Variants in TTLL11 observed in about 807,000 individuals in gnomAD.
TTLL11 encodes tubulin polyglutamylase TTLL11.
A neutral mutation model predicts 51.7 loss-of-function variants in TTLL11; 42 were observed. The observed-to-expected ratio is 0.81, with a 90% CI of 0.64 to 1.05. The LOEUF is 1.05. Among genes scored for constraint, TTLL11 ranks in the 50% least tolerant of loss-of-function variants. The pLI, the probability that TTLL11 is intolerant of heterozygous loss-of-function variation, is 0.00. For missense variants in TTLL11, 799 were observed against 940.4 expected, an observed-to-expected ratio of 0.85 and a Z score of 1.97; for synonymous variants, 381 against 383.5, an observed-to-expected ratio of 0.99 and a Z score of 0.08.
At chr9:121,895,392 GTGTT>G (rs750321086) in intron 6 of TTLL11, among the ~76,000 whole-genome samples, 137 of 151,766 alleles carry the variant, frequency 9.0e-4, no homozygotes, top group Non-Finnish European at 1.7e-3. Flanking sequence ...GTATGATTGT[GTGTT>G]TGTGTGACTG....
rs143872650 is a variant in TTLL11, at chr9:122,078,645, A to G, written c.462+14042T>C. On this transcript the variant is annotated intron_variant, in intron 1 of 8. Transcript: ENST00000321582. ...CATTATGTACTTGGCACTTTACATG[A>G]TTATAGCTTTTTATGCTGGCAATAA... 5.5e-3 allele frequency among the ~76,000 whole-genome samples: 840 copies of G among 152,312 alleles called. 39 individuals are homozygous for G. Among genetic ancestry groups the G allele is most frequent in the Admixed American group, 0.049 (745 of 15,302 alleles).
intron 6 of TTLL11, among the ~76,000 whole-genome samples, chr9:121,922,802 T>C (rs1023378778): frequency 6.9e-6 from 1 of 145,172 alleles, no homozygotes; most frequent in Non-Finnish European, 1.5e-5. Flanking sequence ...CACATGTGTA[T>C]ATCAAACCTC....
intron 1 of TTLL11, among the ~76,000 whole-genome samples, chr9:122,078,886 G>A (rs917669515): frequency 1.3e-5 from 2 of 151,846 alleles, no homozygotes; most frequent in African/African-American, 4.8e-5. Flanking sequence ...TTGTTCTTCA[G>A]GAAAATATTC....
chr9:121,857,927 A>G (rs555837245), intron 8 of TTLL11, among the ~76,000 whole-genome samples: 2 of 152,202 alleles, frequency 1.3e-5, no homozygotes, highest in Non-Finnish European at 2.9e-5. Context: ...TCAATATTTA[A>G]TAATTCCACT....
At chr9:122,052,441 G>A (rs1027999871) in intron 1 of TTLL11, among the ~76,000 whole-genome samples, 6 of 152,202 alleles carry the variant, frequency 3.9e-5, no homozygotes, top group Admixed American at 6.5e-5. Context: ...TCCTCGATGG[G>A]AACAATAATG....
At chr9:121,850,640 C>G (rs1241364137) in intron 8 of TTLL11, among the ~76,000 whole-genome samples, 1 of 152,158 alleles carries the variant, frequency 6.6e-6, no homozygotes, top group Non-Finnish European at 1.5e-5. Context: ...GGGCCCCCAG[C>G]TGATTGGATG....
chr9:121,932,831 C>T (rs546564031), intron 6 of TTLL11, among the ~76,000 whole-genome samples: 23 of 151,996 alleles, frequency 1.5e-4, no homozygotes, highest in African/African-American at 5.3e-4. Flanking sequence ...ATGGCAGATG[C>T]GAAAAATAAG....
Position 122,044,308 on chromosome 9 carries a change from G to A in TTLL11, c.463-4940C>T, listed in dbSNP as rs574891281. On this transcript the variant is annotated intron_variant, in intron 1 of 8. Transcript: ENST00000321582. ...AGTCTTTGCTATTGTGAATAGTGCC[G>A]CAATAAACATACGTGTGCATGTGTC... Among the ~76,000 whole-genome samples, 928 of 152,004 alleles carry A rather than the reference G, an allele frequency of 6.1e-3. 3 individuals carry two copies. Among genetic ancestry groups the A allele is most frequent in the Middle Eastern group, 0.01 (3 of 294 alleles).
At chr9:121,968,580 CAG>C (rs1274557895) in intron 6 of TTLL11, among the ~76,000 whole-genome samples, 5 of 152,114 alleles carry the variant, frequency 3.3e-5, no homozygotes, top group Non-Finnish European at 7.4e-5. Context: ...TTTTTTGAGA[CAG>C]AGTCTCGCTC....
chr9:121,835,602 T>C (rs1364566058), intron 8 of TTLL11, among the ~76,000 whole-genome samples: 2 of 152,272 alleles, frequency 1.3e-5, no homozygotes, highest in East Asian at 1.9e-4. Flanking sequence ...AAATAGAACT[T>C]GCAGAAAAAT....
intron 8 of TTLL11, among the ~76,000 whole-genome samples, chr9:121,845,790 G>T (rs1475763596): frequency 6.6e-6 from 1 of 152,110 alleles, no homozygotes; most frequent in African/African-American, 2.4e-5. Flanking sequence ...GCTAAAAGAG[G>T]AGATAAAGTG....
intron 6 of TTLL11, among the ~76,000 whole-genome samples, chr9:121,917,620 GGGGAGGGAA>G (rs1244896537): frequency 1.9e-4 from 27 of 144,518 alleles, no homozygotes; most frequent in East Asian, 1.6e-3. Context: ...AGGGAGGGAA[GGGGAGGGAA>G]GGGAGGGAAG....
At chr9:121,971,199 C>A (rs1842550641) in intron 6 of TTLL11, among the ~76,000 whole-genome samples, 1 of 101,338 alleles carries the variant, frequency 9.9e-6, no homozygotes, top group African/African-American at 3.4e-5. Flanking sequence ...CCAGCCGCCC[C>A]GTCCCGGAGG....
At chr9:122,029,971 C>T (rs564357290) in intron 3 of TTLL11, among the ~76,000 whole-genome samples, 1 of 152,186 alleles carries the variant, frequency 6.6e-6, no homozygotes, top group South Asian at 2.1e-4. Context: ...AGGTTTGTAT[C>T]CTAGGAGCGA....
chr9:122,074,820 G>A (rs1845817427), intron 1 of TTLL11, among the ~76,000 whole-genome samples: 1 of 151,322 alleles, frequency 6.6e-6, no homozygotes, highest in Non-Finnish European at 1.5e-5. Context: ...GATGGTTTGA[G>A]CCCAGGAATT....
At chr9:121,912,556 G>C (rs1840172897) in intron 6 of TTLL11, among the ~76,000 whole-genome samples, 1 of 151,992 alleles carries the variant, frequency 6.6e-6, no homozygotes, top group Non-Finnish European at 1.5e-5. Flanking sequence ...CCACTCCCTT[G>C]CCTGAGTCCC....
intron 6 of TTLL11, among the ~76,000 whole-genome samples, chr9:121,951,169 T>G (rs1841842172): frequency 6.6e-6 from 1 of 152,190 alleles, no homozygotes; most frequent in Admixed American, 6.5e-5. Context: ...GATTTTCTAA[T>G]GGCCACTACA....
intron 1 of TTLL11, 21 bp downstream of exon 1, chr9:122,092,666 C>T: frequency 6.5e-7 from 1 of 1,536,178 alleles, no homozygotes; most frequent in East Asian, 2.4e-5. Context: ...GCCCACGCGG[C>T]CGGGTCGGGC....
chr9:121,924,603 A>G (rs1010859890), intron 6 of TTLL11, among the ~76,000 whole-genome samples: 8 of 152,142 alleles, frequency 5.3e-5, no homozygotes, highest in Non-Finnish European at 1.0e-4. Context: ...AAGAAGCTGG[A>G]GGACAGAGGA....
Sources: allele counts gnomAD v4.1 joint callset (sites outside exome capture counted in the v4.1 genomes callset), GRCh38; gene constraint gnomAD v4.1.1; transcripts MANE v1.5; gene names NCBI Gene and HGNC (gene_info 2026-07-23, HGNC 2026-07-21).